Variants in FLACC1 observed in about 807,000 individuals in gnomAD.
The protein encoded by FLACC1 is flagellum-associated coiled-coil domain-containing protein 1.
FLACC1 carries 66 observed loss-of-function variants against 62.8 expected under a neutral mutation model. The ratio of observed to expected loss-of-function variants is 1.05; its 90% CI spans 0.86 to 1.29. The LOEUF is 1.29. Ranked by LOEUF, FLACC1 falls within the 50% of genes most tolerant of loss-of-function variation. The pLI, the probability that FLACC1 is intolerant of heterozygous loss-of-function variation, is 0.00. For missense variants in FLACC1, 452 were observed against 489.1 expected (o/e 0.92, Z 0.71); for synonymous variants, 156 against 161.0 (o/e 0.97, Z 0.24).
chr2:201,317,896 G>C (rs991639786), intron 9 of FLACC1, among the ~76,000 whole-genome samples: 2 of 152,060 alleles, frequency 1.3e-5, no homozygotes, highest in African/African-American at 4.8e-5. Flanking sequence ...ATAAATATAG[G>C]CACATAGACC....
intron 14 of FLACC1, among the ~76,000 whole-genome samples, chr2:201,289,197 A>G (rs6743068): frequency 0.72 from 109,781 of 151,926 alleles, 40,059 homozygotes; most frequent in South Asian, 0.83. Context: ...CAGAAACTGG[A>G]AGACAAATGT....
At chr2:201,312,026 A>C (rs1038318952) in intron 9 of FLACC1, among the ~76,000 whole-genome samples, 1 of 152,228 alleles carries the variant, frequency 6.6e-6, no homozygotes, top group Non-Finnish European at 1.5e-5. Flanking sequence ...GCACAAGACA[A>C]GGATGCCCAC....
chr2:201,356,311 C>T (rs1951116107), intron 1 of FLACC1, among the ~76,000 whole-genome samples: 1 of 152,178 alleles, frequency 6.6e-6, no homozygotes, highest in South Asian at 2.1e-4. Flanking sequence ...CAGGCACCCG[C>T]CACCATGCCT....
At chr2:201,315,619 A>G (rs994772508) in intron 9 of FLACC1, among the ~76,000 whole-genome samples, 2 of 152,158 alleles carry the variant, frequency 1.3e-5, no homozygotes, top group Admixed American at 1.3e-4. Context: ...GGACTTCATT[A>G]CTCCACTGAC....
At chr2:201,306,799 T>C (rs1286657560) in intron 11 of FLACC1, among the ~76,000 whole-genome samples, 1 of 152,168 alleles carries the variant, frequency 6.6e-6, no homozygotes, top group African/African-American at 2.4e-5. Flanking sequence ...AAAAAACTTG[T>C]ATCCACAATA....
chr2:201,318,805 T>G (rs1354451100), intron 9 of FLACC1, among the ~76,000 whole-genome samples: 1 of 152,206 alleles, frequency 6.6e-6, no homozygotes, highest in Non-Finnish European at 1.5e-5. Flanking sequence ...ACAACTTGGA[T>G]GAGATTGGAG....
intron 9 of FLACC1, among the ~76,000 whole-genome samples, chr2:201,314,749 T>A (rs1190313817): frequency 1.3e-5 from 2 of 152,144 alleles, no homozygotes; most frequent in African/African-American, 4.8e-5. Context: ...TTATCTAAAG[T>A]TAAGATGAAG....
intron 11 of FLACC1, among the ~76,000 whole-genome samples, chr2:201,303,129 A>T (rs1217301561): frequency 6.6e-6 from 1 of 152,084 alleles, no homozygotes; most frequent in Non-Finnish European, 1.5e-5. Context: ...CAAAAAATCA[A>T]TGAATCCAGG....
intron 7 of FLACC1, among the ~76,000 whole-genome samples, chr2:201,333,851 G>A (rs1171402081): frequency 1.3e-5 from 2 of 152,056 alleles, no homozygotes; most frequent in East Asian, 1.9e-4. Flanking sequence ...TGTGAATAGT[G>A]CCACAATAAA....
chr2:201,315,240 T>G (rs1950287759), intron 9 of FLACC1, among the ~76,000 whole-genome samples: 1 of 152,158 alleles, frequency 6.6e-6, no homozygotes, highest in African/African-American at 2.4e-5. Context: ...GCCTAAATGC[T>G]CTACTTAAAA....
chr2:201,294,478 A>T (rs970458333), intron 12 of FLACC1, among the ~76,000 whole-genome samples: 6 of 152,218 alleles, frequency 3.9e-5, no homozygotes, highest in Admixed American at 6.5e-5. Flanking sequence ...AAAACCGTTC[A>T]TGCTAAAAAC....
At chr2:201,319,040 CT>C (rs2125577928) in intron 9 of FLACC1, among the ~76,000 whole-genome samples, 1 of 152,176 alleles carries the variant, frequency 6.6e-6, no homozygotes, top group South Asian at 2.1e-4. Flanking sequence ...CAAATCACCA[CT>C]AAAGTACTTA....
At chr2:201,321,372 A>G (rs977575784) in intron 9 of FLACC1, among the ~76,000 whole-genome samples, 7 of 152,180 alleles carry the variant, frequency 4.6e-5, no homozygotes, top group African/African-American at 1.7e-4. Flanking sequence ...TAATCCAGAC[A>G]GCAGGACTTA....
At chr2:201,305,508 T>C (rs562006215) in intron 11 of FLACC1, among the ~76,000 whole-genome samples, 69 of 152,318 alleles carry the variant, frequency 4.5e-4, no homozygotes, top group African/African-American at 1.6e-3. Flanking sequence ...AGTTCAACCA[T>C]TGTGGAAGAC....
At chr2:201,350,666 G>A (rs182700243) in intron 3 of FLACC1, 45 bp downstream of exon 3, 30 of 638,188 alleles carry the variant, frequency 4.7e-5, no homozygotes, top group Middle Eastern at 7.5e-4. Flanking sequence ...GGGCAACAGA[G>A]TGAGACTCCA....
At chr2:201,331,340 C>A (rs9288318) in intron 7 of FLACC1, among the ~76,000 whole-genome samples, 96,267 of 151,832 alleles carry the variant, frequency 0.63, 31,085 homozygotes, top group South Asian at 0.79. Flanking sequence ...CCTTTTCTAC[C>A]ATCATTGTTT....
intron 7 of FLACC1, among the ~76,000 whole-genome samples, chr2:201,333,639 G>A (rs894868772): frequency 5.6e-5 from 8 of 143,598 alleles, no homozygotes; most frequent in Non-Finnish European, 1.0e-4. Context: ...CCACCTATGA[G>A]TGAGAACATG....
chr2:201,317,167 C>T (rs1576439502), intron 9 of FLACC1, among the ~76,000 whole-genome samples: 1 of 152,138 alleles, frequency 6.6e-6, no homozygotes, highest in East Asian at 1.9e-4. Context: ...CTCACCACTC[C>T]TCTTCAACAT....
intron 8 of FLACC1, 27 bp from the exon 9 acceptor site, chr2:201,330,549 A>T: frequency 6.2e-7 from 1 of 1,609,088 alleles, no homozygotes; most frequent in Non-Finnish European, 8.5e-7. Context: ...CAACAGGATC[A>T]TCATTAGTCT....
Sources: allele counts gnomAD v4.1 joint callset (sites outside exome capture counted in the v4.1 genomes callset), GRCh38; gene constraint gnomAD v4.1.1; transcripts MANE v1.5; gene names NCBI Gene and HGNC (gene_info 2026-07-23, HGNC 2026-07-21).